AFF2: variants seen among roughly 807,000 people sequenced by gnomAD.
The protein encoded by AFF2 is AF4/FMR2 family member 2.
Under a neutral mutation model 76.9 loss-of-function variants are expected in AFF2, and 14 were observed. That is an observed-to-expected ratio of 0.18 (90% CI 0.12 to 0.28). The LOEUF (loss-of-function observed/expected upper bound fraction) is 0.28, where lower values mean the gene tolerates loss of function less well. Ranked by LOEUF, AFF2 falls within the 10% of genes least tolerant of loss-of-function variation. The probability of loss-of-function intolerance (pLI) is 1.00; values close to 1 mark genes in which losing one functional copy is unlikely to be tolerated. For synonymous variants in AFF2, 398 were observed against 366.7 expected (o/e 1.09, Z -0.98); for missense variants, 868 against 1,001.1 (o/e 0.87, Z 1.79).
Position 148,825,747 on chromosome X carries a change from GT to G in AFF2, c.1087-11886del, listed in dbSNP as rs575960026. 2.4e-3 allele frequency among the ~76,000 whole-genome samples: 218 copies of G among 88,984 alleles called. 1 individual carries two copies. The highest frequency in any genetic ancestry group is 6.2e-3 in the Middle Eastern group (1 of 161). The allele number at this position is 88,984 out of a possible 115,157, so 77.3% of individuals were successfully genotyped here. On this transcript the variant is annotated intron_variant, in intron 4 of 20. Coordinates refer to ENST00000370460, the MANE Select transcript of AFF2 (RefSeq NM_002025.4). ...GGTGGCTTGCAAATCTCTGACCAGG[GT>G]TTTTTTTTTTTTTAAATCATTTTGC...
At chrX:148,746,867 G>A (rs1285934844) in intron 3 of AFF2, among the ~76,000 whole-genome samples, 1 of 112,271 alleles carries the variant, frequency 8.9e-6, no homozygotes, top group Non-Finnish European at 1.9e-5. Context: ...TACCAATGAG[G>A]TAGAAACAGA....
At chrX:148,674,382 AAC>A (rs2054458582) in intron 3 of AFF2, among the ~76,000 whole-genome samples, 1 of 111,829 alleles carries the variant, frequency 8.9e-6, no homozygotes, top group South Asian at 3.8e-4. Context: ...GCCTGTTATC[AAC>A]AGGAAGATGG....
chrX:148,671,753 G>T (rs184119769), intron 3 of AFF2, among the ~76,000 whole-genome samples: 52 of 109,631 alleles, frequency 4.7e-4, no homozygotes, highest in Non-Finnish European at 9.5e-4. Flanking sequence ...AATTCAGCTG[G>T]GGTATTCTTA....
intron 3 of AFF2, among the ~76,000 whole-genome samples, chrX:148,792,229 A>C (rs1373120618): frequency 1.8e-5 from 2 of 112,151 alleles, no homozygotes; most frequent in East Asian, 5.6e-4. Flanking sequence ...AGAATAAGCA[A>C]GTTAAAGGAT....
At chrX:148,715,042 G>A (rs1233277123) in intron 3 of AFF2, among the ~76,000 whole-genome samples, 1 of 110,687 alleles carries the variant, frequency 9.0e-6, no homozygotes, top group African/African-American at 3.3e-5. Context: ...GATGGTGTCT[G>A]CCAGGAAAAA....
At chrX:148,659,416 C>G (rs1290245361) in intron 2 of AFF2, among the ~76,000 whole-genome samples, 1 of 112,180 alleles carries the variant, frequency 8.9e-6, no homozygotes, top group African/African-American at 3.2e-5. Context: ...ACTACAATGA[C>G]TTTTCAGGGC....
At chrX:148,838,816 C>A (rs1399483253) in intron 5 of AFF2, among the ~76,000 whole-genome samples, 1 of 111,853 alleles carries the variant, frequency 8.9e-6, no homozygotes, top group Non-Finnish European at 1.9e-5. Context: ...AAAGGAGAAA[C>A]CCTTAGATTT....
At chrX:148,742,170 CCCA>C (rs1211099135) in intron 3 of AFF2, among the ~76,000 whole-genome samples, 3 of 111,668 alleles carry the variant, frequency 2.7e-5, no homozygotes, top group African/African-American at 9.8e-5. Flanking sequence ...CACCATGATC[CCCA>C]CAAGTAAGTT....
chrX:148,959,976 G>A (rs186947112), intron 12 of AFF2, among the ~76,000 whole-genome samples: 3 of 112,461 alleles, frequency 2.7e-5, no homozygotes, highest in East Asian at 2.8e-4. Flanking sequence ...GTGGCCTGTC[G>A]CCTTCCCCAT....
chrX:148,635,133 ATTAAG>A (rs1460041269), intron 1 of AFF2, among the ~76,000 whole-genome samples: 2 of 111,600 alleles, frequency 1.8e-5, no homozygotes, highest in African/African-American at 3.3e-5. Context: ...TGCAGATGTG[ATTAAG>A]TTAAGAATCT....
chrX:148,847,879 C>T (rs2070686149), intron 7 of AFF2, among the ~76,000 whole-genome samples: 1 of 111,965 alleles, frequency 8.9e-6, no homozygotes. Flanking sequence ...TACAGATGAG[C>T]AAAGTAAAGC....
intron 2 of AFF2, among the ~76,000 whole-genome samples, chrX:148,658,804 C>T (rs1290734379): frequency 3.6e-5 from 4 of 112,264 alleles, no homozygotes; most frequent in East Asian, 2.8e-4. Flanking sequence ...ATCATAGTAA[C>T]GAAGTTAGCC....
At chrX:148,727,225 T>TAGG (rs1183318533) in intron 3 of AFF2, among the ~76,000 whole-genome samples, 1 of 111,288 alleles carries the variant, frequency 9.0e-6, no homozygotes, top group Non-Finnish European at 1.9e-5. Flanking sequence ...ATATGTCCTA[T>TAGG]AGGAATTGAG....
At chrX:148,613,274 G>A (rs1302923618) in intron 1 of AFF2, among the ~76,000 whole-genome samples, 2 of 111,915 alleles carry the variant, frequency 1.8e-5, no homozygotes, top group Non-Finnish European at 3.8e-5. Flanking sequence ...GGAGGCCTTG[G>A]TGGGAATTGT....
At chrX:148,750,758 TA>T (rs1326731254) in intron 3 of AFF2, among the ~76,000 whole-genome samples, 8 of 112,071 alleles carry the variant, frequency 7.1e-5, no homozygotes, top group African/African-American at 2.6e-4. Flanking sequence ...TTGCAAAGAT[TA>T]AAAAAATGAG....
chrX:148,607,467 T>G (rs1359310562), intron 1 of AFF2, among the ~76,000 whole-genome samples: 2 of 111,711 alleles, frequency 1.8e-5, no homozygotes, highest in East Asian at 5.7e-4. Context: ...CACTCTTGCC[T>G]GCCACCATGT....
chrX:148,782,454 G>T (rs1557269163), intron 3 of AFF2, among the ~76,000 whole-genome samples: 1 of 111,743 alleles, frequency 8.9e-6, no homozygotes, highest in Non-Finnish European at 1.9e-5. Flanking sequence ...AAGGAGAGAT[G>T]TTTTGATATC....
At chrX:148,659,826 C>T (rs2054287463) in intron 2 of AFF2, among the ~76,000 whole-genome samples, 2 of 111,976 alleles carry the variant, frequency 1.8e-5, no homozygotes, top group Admixed American at 9.4e-5. Flanking sequence ...CTTGTCTGGG[C>T]TAAAAAGTAA....
chrX:148,721,044 C>A, intron 3 of AFF2, among the ~76,000 whole-genome samples: 1 of 111,765 alleles, frequency 8.9e-6, no homozygotes, highest in Non-Finnish European at 1.9e-5. Flanking sequence ...TTGAAAGCCT[C>A]CAGGGTTTAT....
Sources: gnomAD v4.1 joint callset for allele counts (sites outside exome capture counted in the v4.1 genomes callset) on GRCh38, gnomAD v4.1.1 for gene constraint, MANE v1.5 for transcripts, NCBI Gene and HGNC (gene_info 2026-07-23, HGNC 2026-07-21) for gene names.